KIAA1549L: variants seen among roughly 807,000 people sequenced by gnomAD.
The protein encoded by KIAA1549L is KIAA1549 like.
In KIAA1549L, 88 loss-of-function variants were observed where a neutral mutation model predicts 160.7. The observed-to-expected ratio is 0.55, with a 90% CI of 0.46 to 0.65. The LOEUF (loss-of-function observed/expected upper bound fraction) is 0.65, where lower values mean the gene tolerates loss of function less well. KIAA1549L is among the 30% of genes least tolerant of loss of function. The probability of loss-of-function intolerance (pLI) is 0.00; values close to 1 mark genes in which losing one functional copy is unlikely to be tolerated. For synonymous variants in KIAA1549L, 950 were observed against 976.7 expected, an observed-to-expected ratio of 0.97 and a Z score of 0.51; for missense variants, 2,258 against 2,437.5, an observed-to-expected ratio of 0.93 and a Z score of 1.55.
intron 1 of KIAA1549L, among the ~76,000 whole-genome samples, chr11:33,512,713 G>T (rs928049746): frequency 3.9e-5 from 6 of 152,098 alleles, no homozygotes; most frequent in Admixed American, 6.5e-5. Context: ...GAGCCATTGC[G>T]CCCGGCCCCT....
At chr11:33,587,385 G>A (rs529505226) in intron 11 of KIAA1549L, among the ~76,000 whole-genome samples, 8 of 152,290 alleles carry the variant, frequency 5.3e-5, no homozygotes, top group South Asian at 2.1e-4. Context: ...CTAAAAGACC[G>A]CTACCCTGGG....
chr11:33,589,238 G>T (rs1046925774), intron 11 of KIAA1549L, among the ~76,000 whole-genome samples: 1 of 152,100 alleles, frequency 6.6e-6, no homozygotes, highest in African/African-American at 2.4e-5. Flanking sequence ...TTAGAATGGC[G>T]ATCATTAAAA....
At chr11:33,393,388 C>T (rs1033910491) in intron 1 of KIAA1549L, among the ~76,000 whole-genome samples, 6 of 152,174 alleles carry the variant, frequency 3.9e-5, no homozygotes, top group African/African-American at 1.4e-4. Context: ...TTGAGGTCTC[C>T]TGGCCCGTCT....
intron 6 of KIAA1549L, among the ~76,000 whole-genome samples, chr11:33,558,989 A>C (rs1464549589): frequency 6.6e-6 from 1 of 151,428 alleles, no homozygotes; most frequent in Non-Finnish European, 1.5e-5. Context: ...ACATGCCACC[A>C]TGCCCGGCTA....
intron 1 of KIAA1549L, among the ~76,000 whole-genome samples, chr11:33,420,168 A>C (rs1015916025): frequency 2.0e-5 from 3 of 151,984 alleles, no homozygotes; most frequent in Admixed American, 2.0e-4. Flanking sequence ...AGCATTGGCA[A>C]AGCTACTTCC....
Position 33,673,905 on chromosome 11 carries a change from C to A in KIAA1549L, c.*5751C>A, listed in dbSNP as rs921690280. ...TTTAACTCTGGGTGAAAAACCCCAA[C>A]CGGTGAGTCTTTAAAACCATATTAG... On this transcript the variant is annotated 3_prime_UTR_variant, in exon 21 of 21. Coordinates refer to ENST00000658780, the MANE Select transcript of KIAA1549L (RefSeq NM_012194.3). The A allele has an allele frequency of 2.6e-5, 4 of 152,204 alleles. No individual in the cohort carries two copies. The highest frequency in any genetic ancestry group is 9.6e-5 in the African/African-American group (4 of 41,454). The allele number at this position is 152,204 out of a possible 1,614,324, so 9.4% of individuals were successfully genotyped here. A position where few individuals can be genotyped will look rare whatever the true frequency, so the allele number is the denominator to read the frequency against.
At chr11:33,500,448 C>A (rs1439704215) in intron 1 of KIAA1549L, among the ~76,000 whole-genome samples, 1 of 152,158 alleles carries the variant, frequency 6.6e-6, no homozygotes, top group Admixed American at 6.5e-5. Context: ...AGCCAAAAAA[C>A]CAACTTATGA....
At chr11:33,654,987 A>G (rs1852014527) in intron 17 of KIAA1549L, among the ~76,000 whole-genome samples, 1 of 152,166 alleles carries the variant, frequency 6.6e-6, no homozygotes, top group Non-Finnish European at 1.5e-5. Flanking sequence ...TTCAGGTTTA[A>G]AATCCTGTCA....
chr11:33,471,218 CT>C (rs113201118), intron 1 of KIAA1549L, among the ~76,000 whole-genome samples: 17,514 of 141,456 alleles, frequency 0.12, 996 homozygotes, highest in South Asian at 0.15. Context: ...ATCTCAGAAC[CT>C]TTTTTTTTTT....
At chr11:33,379,544 T>C (rs905360747) in intron 1 of KIAA1549L, among the ~76,000 whole-genome samples, 8 of 152,168 alleles carry the variant, frequency 5.3e-5, no homozygotes, top group African/African-American at 1.9e-4. Flanking sequence ...GGCAAAATGG[T>C]AGAGCTCAAA....
At chr11:33,623,256 T>C (rs1426601256) in intron 16 of KIAA1549L, among the ~76,000 whole-genome samples, 1 of 152,178 alleles carries the variant, frequency 6.6e-6, no homozygotes, top group Non-Finnish European at 1.5e-5. Context: ...GTTGCTCCAT[T>C]GGGAAGCAAT....
intron 15 of KIAA1549L, among the ~76,000 whole-genome samples, chr11:33,610,266 A>C (rs977044562): frequency 2.0e-5 from 3 of 152,174 alleles, no homozygotes; most frequent in African/African-American, 4.8e-5. Context: ...ATTATCACCT[A>C]CCTAATGGTG....
At chr11:33,420,293 A>G (rs925290310) in intron 1 of KIAA1549L, among the ~76,000 whole-genome samples, 1 of 134,472 alleles carries the variant, frequency 7.4e-6, no homozygotes, top group African/African-American at 2.8e-5. Context: ...GAGTGGCACT[A>G]TCCTAGCTCG....
chr11:33,391,802 A>G (rs1850277912), intron 1 of KIAA1549L, among the ~76,000 whole-genome samples: 1 of 152,212 alleles, frequency 6.6e-6, no homozygotes, highest in Non-Finnish European at 1.5e-5. Flanking sequence ...TACTGATGGA[A>G]GGTCAGTGTC....
At chr11:33,589,654 C>G (rs988308724) in intron 11 of KIAA1549L, among the ~76,000 whole-genome samples, 2 of 151,880 alleles carry the variant, frequency 1.3e-5, no homozygotes, top group Admixed American at 1.3e-4. Context: ...AGCAAACTAT[C>G]GCAAGGACAA....
chr11:33,548,809 T>TG (rs1391233495), intron 4 of KIAA1549L, among the ~76,000 whole-genome samples: 6 of 152,246 alleles, frequency 3.9e-5, no homozygotes, highest in African/African-American at 1.4e-4. Context: ...TAAAAACTAT[T>TG]GCTGTGGCTT....
chr11:33,563,686 A>G (rs997181804), intron 8 of KIAA1549L, among the ~76,000 whole-genome samples: 2 of 152,172 alleles, frequency 1.3e-5, no homozygotes, highest in African/African-American at 2.4e-5. Context: ...AAAAAAACCA[A>G]CCCACCAGAG....
At position 33,465,727 on chromosome 11, in the gene KIAA1549L, A is replaced by G. The variant is rs139655878; in HGVS notation, c.239-76075A>G. Among the ~76,000 whole-genome samples, 755 of 152,354 alleles carry G rather than the reference A, an allele frequency of 5.0e-3. 9 individuals carry two copies. The highest frequency in any genetic ancestry group is 0.018 in the African/African-American group (728 of 41,586). ...CATCGGATCTTCGACAAACCTGACAAAAACAAGCAATGGAGAAAGGATTCC... is the reference window on the plus strand; with the variant it reads ...CATCGGATCTTCGACAAACCTGACAGAAACAAGCAATGGAGAAAGGATTCC... On this transcript the variant is annotated intron_variant, in intron 1 of 20. Transcript: ENST00000658780.
chr11:33,475,695 CAA>C (rs11376263), intron 1 of KIAA1549L, among the ~76,000 whole-genome samples: 7 of 139,544 alleles, frequency 5.0e-5, no homozygotes, highest in Admixed American at 1.4e-4. Flanking sequence ...CTCGCTCTCT[CAA>C]AAAAAAAAAA....
Sources: allele counts gnomAD v4.1 joint callset (sites outside exome capture counted in the v4.1 genomes callset), GRCh38; gene constraint gnomAD v4.1.1; transcripts MANE v1.5; gene names NCBI Gene and HGNC (gene_info 2026-07-23, HGNC 2026-07-21).